Variants in CTF1 observed in about 807,000 individuals in gnomAD.
CTF1 encodes the protein cardiotrophin 1.
Under a neutral mutation model 10.9 loss-of-function variants are expected in CTF1, and 9 were observed. That is an observed-to-expected ratio of 0.83 (90% CI 0.50 to 1.44). The LOEUF (loss-of-function observed/expected upper bound fraction) is 1.44, where lower values mean the gene tolerates loss of function less well. CTF1 is among the 40% of genes most tolerant of loss of function. The pLI, the probability that CTF1 is intolerant of heterozygous loss-of-function variation, is 0.00. For synonymous variants in CTF1, 133 were observed against 138.8 expected (o/e 0.96, Z 0.29); for missense variants, 259 against 275.3 (o/e 0.94, Z 0.42).
intron 2 of CTF1, among the ~76,000 whole-genome samples, chr16:30,900,804 T>C (rs930005985): frequency 3.3e-5 from 5 of 152,076 alleles, no homozygotes; most frequent in Admixed American, 6.6e-5. Flanking sequence ...CAAAGAAAAC[T>C]AGCTTTGTAC....
Position 30,899,536 on chromosome 16 carries a change from GAGT to G in CTF1, c.144+4_144+6del. ...CTGAGCAGCTGCTCCAGGAATATGT[GAGT>G]GGGAATGGGGGTGGGGGTGCCGGGG... On this transcript the variant is annotated splice_donor_5th_base_variant and intron_variant, in intron 2 of 2. Coordinates refer to ENST00000279804, the MANE Select transcript of CTF1 (RefSeq NM_001330.5). 2 of 1,407,598 alleles carry G rather than the reference GAGT, an allele frequency of 1.4e-6. No homozygotes were observed. Among genetic ancestry groups the G allele is most frequent in the Non-Finnish European group, 2.0e-6 (2 of 1,001,168 alleles). 87.2% of individuals were successfully genotyped at this position (1,407,598 alleles called of 1,614,324 possible).
chr16:30,896,359 G>C (rs1235741270), upstream of CTF1, among the ~76,000 whole-genome samples: 3 of 152,180 alleles, frequency 2.0e-5, no homozygotes, highest in African/African-American at 7.2e-5. Flanking sequence ...CTGAGCCCGC[G>C]GCAGAACATT....
upstream of CTF1, chr16:30,896,523 G>A (rs957386197): frequency 4.4e-6 from 4 of 899,724 alleles, no homozygotes; most frequent in East Asian, 9.9e-5. Context: ...GGGGGGGTAG[G>A]ATGAAATGTT....
At chr16:30,899,749 C>A (rs2055386122) in intron 2 of CTF1, among the ~76,000 whole-genome samples, 1 of 152,076 alleles carries the variant, frequency 6.6e-6, no homozygotes, top group South Asian at 2.1e-4. Flanking sequence ...TTAGAGGCAC[C>A]CTCCTCAGTG....
upstream of CTF1, chr16:30,896,536 G>T: frequency 1.0e-6 from 1 of 1,001,418 alleles, no homozygotes. Flanking sequence ...GAAATGTTTG[G>T]GGTCTGGGCT....
In CTF1 at chr16:30,902,446, G is replaced by T; in HGVS notation, c.513G>T (p.Lys171Asn). 6 of 1,429,412 alleles carry T rather than the reference G, an allele frequency of 4.2e-6. No homozygotes were observed. The highest frequency in any genetic ancestry group is 5.5e-6 in the Non-Finnish European group (6 of 1,090,102). The allele number at this position is 1,429,412 out of a possible 1,614,324, so 88.5% of individuals were successfully genotyped here. A position where few individuals can be genotyped will look rare whatever the true frequency, so the allele number is the denominator to read the frequency against. Residue 171 changes from lysine to asparagine, a missense_variant, in exon 3 of 3, where the codon AAG (lysine) becomes AAT (asparagine). Transcript: ENST00000279804. ...CCGCCACCGGGGTCTTCCCCGCCAA[G>T]GTGCTGGGGCTCCGCGTTTGCGGCC... ...AASATGVFPA[K>N]VLGLRVCGLY...
rs1596639515 is a variant in CTF1, at chr16:30,902,190, G to T, written c.257G>T (p.Arg86Leu). The T allele has an allele frequency of 1.7e-6, 2 of 1,203,798 alleles. No individual in the cohort carries two copies. Among genetic ancestry groups the T allele is most frequent in the Non-Finnish European group, 2.1e-6 (2 of 971,420 alleles). 74.6% of individuals were successfully genotyped at this position (1,203,798 alleles called of 1,614,324 possible). The change falls in exon 3 of 3, where the codon CGG (arginine) becomes CTG (leucine). Residue 86 changes from arginine (R) to leucine (L), a missense_variant. Physicochemically the swap from Arg to Leu is moderately radical, Grantham distance 102. Transcript: ENST00000279804. ...PSHAGLPVHERLRLDAAALAA... is the reference protein window; with the variant it reads ...PSHAGLPVHELLRLDAAALAA... ...CACGCGGGGCTGCCAGTGCACGAGC[G>T]GCTGCGGCTGGACGCGGCGGCGCTG...
Position 30,902,564 on chromosome 16 carries a change from C to T in CTF1, c.*25C>T. The T allele has an allele frequency of 6.7e-7, 1 of 1,491,834 alleles. No individual in the cohort carries two copies. Among genetic ancestry groups the T allele is most frequent in the South Asian group, 1.2e-5 (1 of 81,046 alleles). The allele number at this position is 1,491,834 out of a possible 1,614,324, so 92.4% of individuals were successfully genotyped here. A position where few individuals can be genotyped will look rare whatever the true frequency, so the allele number is the denominator to read the frequency against. On this transcript the variant is annotated 3_prime_UTR_variant, in exon 3 of 3. Coordinates refer to ENST00000279804, the MANE Select transcript of CTF1 (RefSeq NM_001330.5). The stretch of plus-strand genomic sequence containing the variant: ...AGCGCCGCGGGGCAGCTCGCCCCGC[C>T]TCCTCCCGCTGGGTTCCGTCTCTCC...
intron 1 of CTF1, among the ~76,000 whole-genome samples, chr16:30,899,111 C>T (rs1196145961): frequency 6.6e-6 from 1 of 152,200 alleles, no homozygotes; most frequent in Non-Finnish European, 1.5e-5. Context: ...TGTAAATACA[C>T]TCTACGATGT....
At chr16:30,898,193 G>A (rs1029147544) in intron 1 of CTF1, among the ~76,000 whole-genome samples, 16 of 140,298 alleles carry the variant, frequency 1.1e-4, no homozygotes, top group Non-Finnish European at 2.0e-4. Flanking sequence ...ACGAAGTCTC[G>A]GTCTGTCACC....
At chr16:30,901,994 C>A in intron 2 of CTF1, 84 bp from the exon 3 acceptor site, 1 of 1,216,772 alleles carries the variant, frequency 8.2e-7, no homozygotes, top group Non-Finnish European at 1.1e-6. Context: ...ACTGACACCC[C>A]CAGAGAGCGG....
chr16:30,902,614 C>G lies in CTF1; in HGVS notation c.*75C>G. ...CTTCCGCTTCTTTGTCTTTCTCTGC[C>G]GCTGTCGGTGTCTGTCTGTCTGCTC... On this transcript the variant is annotated 3_prime_UTR_variant, in exon 3 of 3. Coordinates refer to ENST00000279804, the MANE Select transcript of CTF1 (RefSeq NM_001330.5). 2 of 1,413,738 alleles carry G rather than the reference C, an allele frequency of 1.4e-6. No individual in the cohort carries two copies. Among genetic ancestry groups the G allele is most frequent in the Non-Finnish European group, 1.9e-6 (2 of 1,079,034 alleles). 87.6% of individuals were successfully genotyped at this position (1,413,738 alleles called of 1,614,324 possible). A position where few individuals can be genotyped will look rare whatever the true frequency, so the allele number is the denominator to read the frequency against.
intron 1 of CTF1, among the ~76,000 whole-genome samples, chr16:30,899,193 A>T (rs1210575469): frequency 1.3e-5 from 2 of 152,224 alleles, no homozygotes; most frequent in Non-Finnish European, 2.9e-5. Context: ...TAAGCAAGGC[A>T]TGACTGTCTT....
At chr16:30,900,030 G>A (rs1199770898) in intron 2 of CTF1, among the ~76,000 whole-genome samples, 1 of 152,190 alleles carries the variant, frequency 6.6e-6, no homozygotes, top group Admixed American at 6.5e-5. Context: ...AGGTAGCCTG[G>A]GGCAGTGAAG....
intron 1 of CTF1, among the ~76,000 whole-genome samples, chr16:30,897,075 G>A (rs1188472352): frequency 7.0e-6 from 1 of 141,872 alleles, no homozygotes; most frequent in Non-Finnish European, 1.5e-5. Context: ...AACAGGAGAC[G>A]AAAGTCTGGG....
At chr16:30,898,654 T>C (rs2055374907) in intron 1 of CTF1, among the ~76,000 whole-genome samples, 1 of 152,000 alleles carries the variant, frequency 6.6e-6, no homozygotes, top group Non-Finnish European at 1.5e-5. Flanking sequence ...CTTTTCTATG[T>C]TTTTATTTAT....
At chr16:30,897,799 GAGCCAAGATTGCACCACTGCACCCC>G (rs2055366845) in intron 1 of CTF1, among the ~76,000 whole-genome samples, 1 of 152,148 alleles carries the variant, frequency 6.6e-6, no homozygotes, top group Non-Finnish European at 1.5e-5. Context: ...AGGCTGCAGT[GAGCCAAGATTGCACCACTGCACCCC>G]ATCCTGGGCG....
chr16:30,898,470 T>G (rs1417440634), intron 1 of CTF1, among the ~76,000 whole-genome samples: 1 of 152,142 alleles, frequency 6.6e-6, no homozygotes, highest in African/African-American at 2.4e-5. Context: ...TTTTTGTATT[T>G]TTAGTAGAAA....
chr16:30,898,377 C>G (rs1322184957), intron 1 of CTF1, among the ~76,000 whole-genome samples: 1 of 152,026 alleles, frequency 6.6e-6, no homozygotes, highest in Non-Finnish European at 1.5e-5. Flanking sequence ...GTCCCGAACT[C>G]CTGACTTCAA....
Sources: allele counts gnomAD v4.1 joint callset (sites outside exome capture counted in the v4.1 genomes callset), GRCh38; gene constraint gnomAD v4.1.1; transcripts MANE v1.5; gene names NCBI Gene and HGNC (gene_info 2026-07-23, HGNC 2026-07-21).